PCDHGB4: variants seen among roughly 807,000 people sequenced by gnomAD.
PCDHGB4 encodes protocadherin gamma-B4.
A neutral mutation model predicts 60.5 loss-of-function variants in PCDHGB4; 38 were observed. That is an observed-to-expected ratio of 0.63 (90% CI 0.48 to 0.82). The LOEUF (loss-of-function observed/expected upper bound fraction) is 0.82, where lower values mean the gene tolerates loss of function less well. Among genes scored for constraint, PCDHGB4 ranks in the 40% least tolerant of loss-of-function variants. The pLI, the probability that PCDHGB4 is intolerant of heterozygous loss-of-function variation, is 0.00. For missense variants in PCDHGB4, 1,109 were observed against 1,209.6 expected (o/e 0.92, Z 1.23); for synonymous variants, 456 against 509.7 (o/e 0.89, Z 1.42).
intron 1 of PCDHGB4, chr5:141,409,547 G>A (rs760802690): frequency 1.2e-6 from 2 of 1,613,936 alleles, no homozygotes; most frequent in Non-Finnish European, 1.7e-6. Flanking sequence ...CAACGACAAC[G>A]CCCCAGTTTT....
chr5:141,423,525 G>A (rs1014975146), intron 1 of PCDHGB4: 8 of 1,613,710 alleles, frequency 5.0e-6, no homozygotes, highest in African/African-American at 2.7e-5. Context: ...ACTCGCAGAA[G>A]AGTCACCTGA....
At chr5:141,465,880 TG>T (rs2154569018) in intron 1 of PCDHGB4, among the ~76,000 whole-genome samples, 1 of 152,096 alleles carries the variant, frequency 6.6e-6, no homozygotes, top group East Asian at 1.9e-4. Context: ...CCCAGCACTT[TG>T]GGAGGCCGAG....
rs768847018 is a variant in PCDHGB4 at position 141,431,426 on chromosome 5, A to C, written c.2397+41145A>C. On this transcript the variant is annotated intron_variant, in intron 1 of 3. Transcript: ENST00000519479. The surrounding 1 kb of genome is among the most constrained non-coding windows in gnomAD (Gnocchi z 4.8). ...CTCCGACGGGGGCGACCCGGTGCGCACAGGCACCGCGCGCATCCGCGTGAT... is the reference window on the plus strand; with the variant it reads ...CTCCGACGGGGGCGACCCGGTGCGCCCAGGCACCGCGCGCATCCGCGTGAT... 6.2e-7 allele frequency: 1 copy of C among 1,613,666 alleles called. No individual in the cohort carries two copies. The highest frequency in any genetic ancestry group is 1.1e-5 in the South Asian group (1 of 91,078).
intron 1 of PCDHGB4, chr5:141,412,984 C>G: frequency 1.8e-6 from 1 of 558,874 alleles, no homozygotes; most frequent in Non-Finnish European, 3.0e-6. Flanking sequence ...GCAGCCAGAG[C>G]TCAATCCGGA....
chr5:141,401,211 G>A (rs1180713351), intron 1 of PCDHGB4, among the ~76,000 whole-genome samples: 5 of 151,994 alleles, frequency 3.3e-5, no homozygotes, highest in South Asian at 2.1e-4. Context: ...GTGTGGTGGC[G>A]GGCGCCTGTA....
intron 1 of PCDHGB4, chr5:141,412,149 C>G (rs1369304212): frequency 2.0e-5 from 3 of 152,146 alleles, no homozygotes; most frequent in African/African-American, 7.2e-5. Flanking sequence ...TACAAACTGC[C>G]TAAGAGAAGA....
At chr5:141,458,645 C>T (rs1162232847) in intron 1 of PCDHGB4, among the ~76,000 whole-genome samples, 2 of 152,170 alleles carry the variant, frequency 1.3e-5, no homozygotes, top group Non-Finnish European at 2.9e-5. Flanking sequence ...TCCCAGCTCA[C>T]TGCAACCTCC....
At chr5:141,506,680 A>G (rs949777571) in intron 3 of PCDHGB4, among the ~76,000 whole-genome samples, 1 of 152,212 alleles carries the variant, frequency 6.6e-6, no homozygotes, top group Non-Finnish European at 1.5e-5. Context: ...ATATATTATT[A>G]TCTTTGCTGA....
rs2099405848 is a variant in PCDHGB4 at position 141,477,120 on chromosome 5, A to G, written c.2398-17687A>G. 2 of 1,614,118 alleles carry G rather than the reference A, an allele frequency of 1.2e-6. No homozygotes were observed. Among genetic ancestry groups the G allele is most frequent in the African/African-American group, 2.7e-5 (2 of 74,942 alleles). On this transcript the variant is annotated intron_variant, in intron 1 of 3. Transcript: ENST00000519479. This position sits in a 1 kb window ranked among gnomAD's most constrained non-coding sequence, Gnocchi z 4.9. ...AAGGGCGCCAATCCCGAAGGAGCAC[A>G]TTGCAAAGTGTTGGTGGAGGTTGTG...
At position 141,389,933 on chromosome 5, in the gene PCDHGB4, G is replaced by A. The variant is rs774443122; in HGVS notation, c.2049G>A (p.Gln683=). ...ITDRPDPSDL[Q]AELQFYLVVA... is the part of the protein sequence containing the mutation. ...ACCGCCCCGACCCCTCTGACCTCCAGGCTGAGCTGCAGTTTTACCTAGTGG... is the reference window on the plus strand; with the variant it reads ...ACCGCCCCGACCCCTCTGACCTCCAAGCTGAGCTGCAGTTTTACCTAGTGG... Residue 683 remains glutamine, a synonymous_variant, in exon 1 of 4, where the codon CAG becomes CAA. Transcript: ENST00000519479. 7 of 1,614,068 alleles carry A rather than the reference G, an allele frequency of 4.3e-6. No individual in the cohort carries two copies. The highest frequency in any genetic ancestry group is 5.9e-6 in the Non-Finnish European group (7 of 1,179,892).
intron 1 of PCDHGB4, chr5:141,412,207 C>T (rs529672287): frequency 1.1e-3 from 173 of 152,330 alleles, no homozygotes; most frequent in African/African-American, 4.1e-3. Flanking sequence ...GGTCATTTGA[C>T]ATAAACACTT....
chr5:141,490,346 T>A lies in PCDHGB4; in HGVS notation c.2398-4461T>A. On this transcript the variant is annotated intron_variant, in intron 1 of 3. Coordinates refer to ENST00000519479, the MANE Select transcript of PCDHGB4 (RefSeq NM_003736.4). This position sits in a 1 kb window ranked among gnomAD's most constrained non-coding sequence, Gnocchi z 5.4. ...GAGAGCACACCAGTGGGCACAGTAG[T>A]GGGGTTGTTTAATGTGCGAGACCGG... The A allele has an allele frequency of 6.2e-7, 1 of 1,614,164 alleles. No individual in the cohort carries two copies. The highest frequency in any genetic ancestry group is 8.5e-7 in the Non-Finnish European group (1 of 1,180,020).
rs1414210927 is a variant in PCDHGB4, at chr5:141,477,460, C to G, written c.2398-17347C>G. 1.9e-6 allele frequency: 3 copies of G among 1,614,014 alleles called. No homozygotes were observed. The highest frequency in any genetic ancestry group is 2.5e-6 in the Non-Finnish European group (3 of 1,180,028). On this transcript the variant is annotated intron_variant, in intron 1 of 3. Transcript: ENST00000519479. The surrounding 1 kb of genome is among the most constrained non-coding windows in gnomAD (Gnocchi z 4.9). ...TTACAATAGTGCGTGTTCAAGTGTC[C>G]GACATCAATGACAACCCTCCACAAT...
intron 3 of PCDHGB4, among the ~76,000 whole-genome samples, chr5:141,505,981 A>G (rs1285802357): frequency 6.6e-6 from 1 of 151,898 alleles, no homozygotes; most frequent in Non-Finnish European, 1.5e-5. Context: ...CCGAGAGAAC[A>G]CCTCCTCTTT....
In PCDHGB4 at chr5:141,389,323, G is replaced by T. The variant is rs1230521211; in HGVS notation, c.1439G>T (p.Gly480Val). 26 of 1,613,980 alleles carry T rather than the reference G, an allele frequency of 1.6e-5. No individual in the cohort carries two copies. Among genetic ancestry groups the T allele is most frequent in the Non-Finnish European group, 1.8e-5 (21 of 1,179,896 alleles). ...SQVRASDPDL[G>V]PNGQVSYCIM... ...GTCAGGGCTTCTGATCCGGACTTGG[G>T]GCCCAACGGCCAAGTCTCTTACTGC... Residue 480 changes from glycine to valine, a missense_variant, in exon 1 of 4, where the codon GGG becomes GTG. Physicochemically the swap from Gly to Val is moderately radical, Grantham distance 109 (BLOSUM62 -3). This residue lies in a region of PCDHGB4 where 1,068 missense variants were observed against 1,089.9 expected (regional missense o/e 0.98). Transcript: ENST00000519479.
At chr5:141,412,282 C>A (rs1017660848) in intron 1 of PCDHGB4, 1 of 152,186 alleles carries the variant, frequency 6.6e-6, no homozygotes, top group African/African-American at 2.4e-5. Flanking sequence ...ACTTCAAATT[C>A]TACGTATTTC....
At chr5:141,403,010 C>G in intron 1 of PCDHGB4, 1 of 1,614,058 alleles carries the variant, frequency 6.2e-7, no homozygotes, top group Non-Finnish European at 8.5e-7. Flanking sequence ...ATGCTCGCTC[C>G]TGGGGATGCT....
chr5:141,479,752 T>C (rs770200359), intron 1 of PCDHGB4: 4 of 152,236 alleles, frequency 2.6e-5, no homozygotes, highest in Non-Finnish European at 4.4e-5. Context: ...ATGTGAAAGG[T>C]AGATAAATTC....
intron 1 of PCDHGB4, chr5:141,419,071 A>G: frequency 6.2e-7 from 1 of 1,614,006 alleles, no homozygotes; most frequent in South Asian, 1.1e-5. Flanking sequence ...ACTACAAGCT[A>G]GTAACAGATG....
Sources: gnomAD v4.1 joint callset for allele counts (sites outside exome capture counted in the v4.1 genomes callset) on GRCh38, gnomAD v4.1.1 for gene constraint, gnomAD v4.1.1 regional missense constraint, Gnocchi (gnomAD v3.1) non-coding constraint, MANE v1.5 for transcripts, NCBI Gene and HGNC (gene_info 2026-07-23, HGNC 2026-07-21) for gene names.